NREP: variants seen among roughly 807,000 people sequenced by gnomAD.
The protein encoded by NREP is neuronal regeneration-related protein.
Under a neutral mutation model 8.6 loss-of-function variants are expected in NREP, and 5 were observed. The observed-to-expected ratio is 0.58, with a 90% CI of 0.30 to 1.22. The LOEUF is 1.22. NREP is among the 50% of genes most tolerant of loss of function. The pLI, the probability that NREP is intolerant of heterozygous loss-of-function variation, is 0.07. For missense variants in NREP, 86 were observed against 82.5 expected, an observed-to-expected ratio of 1.04 and a Z score of -0.17; for synonymous variants, 27 against 28.0, an observed-to-expected ratio of 0.96 and a Z score of 0.11.
chr5:111,794,273 A>T (rs1301304752), intron 2 of NREP, among the ~76,000 whole-genome samples: 2 of 152,200 alleles, frequency 1.3e-5, no homozygotes, highest in African/African-American at 4.8e-5. Flanking sequence ...TTTCTTACAA[A>T]ACTAAACATA....
At chr5:111,876,247 T>A (rs746184842) in intron 2 of NREP, among the ~76,000 whole-genome samples, 2 of 152,208 alleles carry the variant, frequency 1.3e-5, no homozygotes, top group Non-Finnish European at 2.9e-5. Context: ...TTCAGGCTGC[T>A]TTTGATTAGA....
At chr5:111,871,089 T>TGTGTGTGTGTGTGTGTG (rs1554104053) in intron 2 of NREP, among the ~76,000 whole-genome samples, 1 of 149,694 alleles carries the variant, frequency 6.7e-6, no homozygotes, top group Non-Finnish European at 1.5e-5. Flanking sequence ...TGTGTGTGTG[T>TGTGTGTGTGTGTGTGTG]AGTCATGCAT....
chr5:111,819,403 C>T (rs1299374302), intron 2 of NREP, among the ~76,000 whole-genome samples: 1 of 152,116 alleles, frequency 6.6e-6, no homozygotes, highest in Non-Finnish European at 1.5e-5. Flanking sequence ...AATAAGAACC[C>T]CTTCCCCTCC....
At chr5:111,805,540 G>A (rs1581130937) in intron 2 of NREP, among the ~76,000 whole-genome samples, 1 of 152,154 alleles carries the variant, frequency 6.6e-6, no homozygotes, top group Non-Finnish European at 1.5e-5. Flanking sequence ...ACAATATATT[G>A]TTAACTGAAC....
chr5:111,750,158 A>C (rs931625607), intron 2 of NREP, among the ~76,000 whole-genome samples: 1 of 152,152 alleles, frequency 6.6e-6, no homozygotes, highest in African/African-American at 2.4e-5. Context: ...ACAAGGAGGA[A>C]GATCTCCCCT....
chr5:111,735,392 G>T (rs1249264081), intron 3 of NREP, 38 bp downstream of exon 3: 1 of 1,353,128 alleles, frequency 7.4e-7, no homozygotes, highest in South Asian at 1.2e-5. Flanking sequence ...TTTCTATATT[G>T]AAAATAGTGT....
intron 2 of NREP, among the ~76,000 whole-genome samples, chr5:111,826,944 A>G (rs1752642689): frequency 6.6e-6 from 1 of 152,228 alleles, no homozygotes; most frequent in South Asian, 2.1e-4. Flanking sequence ...ACAATAGCCA[A>G]TTAATATTTG....
At chr5:111,911,113 G>T (rs774221871) in intron 2 of NREP, among the ~76,000 whole-genome samples, 1 of 151,806 alleles carries the variant, frequency 6.6e-6, no homozygotes, top group Non-Finnish European at 1.5e-5. Context: ...CCAGTGTTTT[G>T]GATATCACCT....
chr5:111,895,341 C>T (rs1754482419), intron 2 of NREP, among the ~76,000 whole-genome samples: 1 of 152,140 alleles, frequency 6.6e-6, no homozygotes, highest in Non-Finnish European at 1.5e-5. Flanking sequence ...GTTTTCCATG[C>T]TGGGGAAGAG....
At chr5:111,769,519 C>T (rs1751167291) in intron 2 of NREP, among the ~76,000 whole-genome samples, 1 of 152,118 alleles carries the variant, frequency 6.6e-6, no homozygotes. Flanking sequence ...GAATAAGAAG[C>T]CAAGGTTGAA....
intron 2 of NREP, among the ~76,000 whole-genome samples, chr5:111,807,772 A>G (rs1224714528): frequency 1.3e-5 from 2 of 152,218 alleles, no homozygotes; most frequent in Non-Finnish European, 2.9e-5. Flanking sequence ...CAGTTCCATG[A>G]ATGAAATTAA....
chr5:111,974,455 A>C (rs1291490025), intron 2 of NREP: 4 of 152,232 alleles, frequency 2.6e-5, no homozygotes, highest in Non-Finnish European at 4.4e-5. Flanking sequence ...CTAGAAGACG[A>C]CTGGGCCAGG....
At chr5:111,832,326 T>A (rs1752789662) in intron 2 of NREP, among the ~76,000 whole-genome samples, 2 of 152,086 alleles carry the variant, frequency 1.3e-5, no homozygotes, top group Admixed American at 6.6e-5. Context: ...GGGACCAGCC[T>A]GGACAATATG....
chr5:111,976,903 T>A (rs1376418750), exon 1 of NREP: 1 of 576,982 alleles, frequency 1.7e-6, no homozygotes, highest in African/African-American at 1.9e-5. Flanking sequence ...GAAAAGTAAT[T>A]CCTTCTAGAT....
At chr5:111,818,346 A>C (rs1397979312) in intron 2 of NREP, among the ~76,000 whole-genome samples, 3 of 152,218 alleles carry the variant, frequency 2.0e-5, no homozygotes, top group African/African-American at 7.2e-5. Flanking sequence ...ACTTTAAAAA[A>C]TACATTCTTC....
intron 2 of NREP, among the ~76,000 whole-genome samples, chr5:111,842,779 T>G (rs1468833049): frequency 6.6e-6 from 1 of 152,198 alleles, no homozygotes; most frequent in Non-Finnish European, 1.5e-5. Context: ...CTCCCACAAC[T>G]TTTGCTTTTC....
intron 2 of NREP, among the ~76,000 whole-genome samples, chr5:111,951,295 T>C (rs1756153094): frequency 1.3e-5 from 2 of 152,122 alleles, no homozygotes; most frequent in African/African-American, 2.4e-5. Flanking sequence ...AGGTTTCTAC[T>C]TTTTTCTATT....
intron 2 of NREP, among the ~76,000 whole-genome samples, chr5:111,771,468 T>C (rs912273059): frequency 1.4e-5 from 2 of 145,436 alleles, no homozygotes; most frequent in East Asian, 2.0e-4. Flanking sequence ...CACACACATA[T>C]GCACACTTGA....
chr5:111,759,826 T>A (rs1388129643), upstream of NREP, among the ~76,000 whole-genome samples: 3 of 152,218 alleles, frequency 2.0e-5, no homozygotes, highest in African/African-American at 7.2e-5. Flanking sequence ...CTCTTCCATC[T>A]ATCCTGTAGG....
Sources: allele counts gnomAD v4.1 joint callset (sites outside exome capture counted in the v4.1 genomes callset), GRCh38; gene constraint gnomAD v4.1.1; transcripts MANE v1.5; gene names NCBI Gene and HGNC (gene_info 2026-07-23, HGNC 2026-07-21).